The following ARHGAP22 variants were observed in gnomAD, a reference collection of about 807,000 sequenced individuals.
The protein encoded by ARHGAP22 is rho GTPase-activating protein 22.
A neutral mutation model predicts 59.1 loss-of-function variants in ARHGAP22; 48 were observed. The observed-to-expected ratio is 0.81, with a 90% CI of 0.64 to 1.03. The LOEUF (loss-of-function observed/expected upper bound fraction) is 1.03. ARHGAP22 is among the 50% of genes least tolerant of loss of function. The probability of loss-of-function intolerance (pLI) is 0.00; values close to 1 mark genes in which losing one functional copy is unlikely to be tolerated. For missense variants in ARHGAP22, 1,015 were observed against 958.7 expected (o/e 1.06, Z -0.78); for synonymous variants, 445 against 416.4 (o/e 1.07, Z -0.84).
intron 3 of ARHGAP22, among the ~76,000 whole-genome samples, chr10:48,522,298 G>C (rs976028483): frequency 2.0e-5 from 3 of 152,200 alleles, no homozygotes; most frequent in Non-Finnish European, 4.4e-5. Flanking sequence ...GGCTGCTGTG[G>C]CCAGCCATCT....
At chr10:48,617,541 A>G (rs917695064) in intron 1 of ARHGAP22, among the ~76,000 whole-genome samples, 12 of 152,054 alleles carry the variant, frequency 7.9e-5, no homozygotes, top group African/African-American at 2.4e-4. Context: ...GAAATCAATT[A>G]TAAGAGGAGC....
chr10:48,472,613 A>G (rs776879072), intron 4 of ARHGAP22, among the ~76,000 whole-genome samples: 33 of 152,086 alleles, frequency 2.2e-4, no homozygotes, highest in Non-Finnish European at 4.4e-4. Context: ...CCTTCTGGCC[A>G]CTCCCATGTG....
intron 2 of ARHGAP22, among the ~76,000 whole-genome samples, chr10:48,576,797 G>T (rs1445710676): frequency 6.6e-6 from 1 of 152,030 alleles, no homozygotes; most frequent in Non-Finnish European, 1.5e-5. Flanking sequence ...TTTCTAATTA[G>T]TATGCTTATG....
chr10:48,636,630 C>T (rs1001109961), intron 1 of ARHGAP22, among the ~76,000 whole-genome samples: 6 of 152,188 alleles, frequency 3.9e-5, no homozygotes, highest in South Asian at 4.1e-4. Context: ...TATCTTTACA[C>T]GTGTTATGTG....
At chr10:48,497,732 A>G (rs1328520809) in intron 3 of ARHGAP22, among the ~76,000 whole-genome samples, 1 of 152,160 alleles carries the variant, frequency 6.6e-6, no homozygotes. Context: ...CCTTGGCCAC[A>G]ATACCTCAGT....
chr10:48,607,970 A>G (rs773344948), upstream of ARHGAP22, among the ~76,000 whole-genome samples: 2 of 152,224 alleles, frequency 1.3e-5, no homozygotes, highest in Non-Finnish European at 2.9e-5. Context: ...GATACCTTCA[A>G]AACAGTAGTT....
chr10:48,475,682 C>G lies in ARHGAP22; in HGVS notation c.451+3954G>C, dbSNP rs533645320. Among the ~76,000 whole-genome samples the G allele has an allele frequency of 2.0e-5, 3 of 152,310 alleles. No homozygotes were observed. In the South Asian group the frequency reaches 6.2e-4, roughly 32 times the overall value. On this transcript the variant is annotated intron_variant, in intron 4 of 9. Coordinates refer to ENST00000249601, the MANE Select transcript of ARHGAP22 (RefSeq NM_021226.4). ...AATCAAGAATTCAATGACTTCTTAT[C>G]GCCACCACCACTGGGCCAGGCCACC...
chr10:48,497,682 C>T (rs1014557615), intron 3 of ARHGAP22, among the ~76,000 whole-genome samples: 5 of 152,160 alleles, frequency 3.3e-5, no homozygotes, highest in African/African-American at 1.2e-4. Context: ...CCAAGGAAAC[C>T]TGTGGTCTCA....
At chr10:48,602,621 C>A (rs902170868) in intron 1 of ARHGAP22, among the ~76,000 whole-genome samples, 1 of 152,118 alleles carries the variant, frequency 6.6e-6, no homozygotes, top group African/African-American at 2.4e-5. Flanking sequence ...CTCCTCTATC[C>A]AGCTATTCAT....
At chr10:48,551,664 G>A (rs2056903258) in intron 3 of ARHGAP22, among the ~76,000 whole-genome samples, 3 of 152,180 alleles carry the variant, frequency 2.0e-5, no homozygotes, top group Admixed American at 2.0e-4. Context: ...TGACCATGTC[G>A]GGAAAGCAGT....
At chr10:48,578,468 G>A (rs1257782846) in intron 2 of ARHGAP22, among the ~76,000 whole-genome samples, 1 of 151,922 alleles carries the variant, frequency 6.6e-6, no homozygotes. Flanking sequence ...CCCTTAACTG[G>A]AAGTTTGAAT....
At position 48,501,939 on chromosome 10, in the gene ARHGAP22, C is replaced by T. The variant is rs74130294; in HGVS notation, c.323-22175G>A. Among the ~76,000 whole-genome samples, 1,170 of 152,318 alleles carry T rather than the reference C, an allele frequency of 7.7e-3. 15 individuals carry two copies. The highest frequency in any genetic ancestry group is 0.027 in the African/African-American group (1,107 of 41,558). ...GGTCTCAGGAGCAGGGGAGGAGCAG[C>T]TTCCTCTCAGGAGAGGCTCTGAAGT... On this transcript the variant is annotated intron_variant, in intron 3 of 9. Transcript: ENST00000249601.
chr10:48,441,118 T>C (rs1482429576), downstream of ARHGAP22, among the ~76,000 whole-genome samples: 9 of 152,182 alleles, frequency 5.9e-5, no homozygotes, highest in South Asian at 2.1e-4. Flanking sequence ...AAGGGAACAA[T>C]TGGTTTGCTC....
At chr10:48,497,159 C>T (rs761435850) in intron 3 of ARHGAP22, among the ~76,000 whole-genome samples, 4 of 152,188 alleles carry the variant, frequency 2.6e-5, no homozygotes, top group Non-Finnish European at 4.4e-5. Context: ...CCACTGCCTG[C>T]ACATACAGGG....
intron 3 of ARHGAP22, among the ~76,000 whole-genome samples, chr10:48,514,992 A>G (rs759478421): frequency 6.6e-6 from 1 of 152,204 alleles, no homozygotes; most frequent in Non-Finnish European, 1.5e-5. Context: ...GAAAATTTCT[A>G]TCTAATACAA....
At chr10:48,463,531 G>T (rs2047358445) in intron 4 of ARHGAP22, among the ~76,000 whole-genome samples, 1 of 152,136 alleles carries the variant, frequency 6.6e-6, no homozygotes, top group Admixed American at 6.5e-5. Context: ...CTTTCCTCCA[G>T]CTCTGCCCAC....
At chr10:48,465,969 C>T (rs1206560609) in intron 4 of ARHGAP22, among the ~76,000 whole-genome samples, 2 of 152,156 alleles carry the variant, frequency 1.3e-5, no homozygotes, top group East Asian at 1.9e-4. Flanking sequence ...TATTAGGGAG[C>T]TTCAGAATTG....
At chr10:48,555,599 G>T (rs776391079) in intron 2 of ARHGAP22, 49 bp from the exon 3 acceptor site, 34 of 1,577,830 alleles carry the variant, frequency 2.2e-5, no homozygotes, top group Middle Eastern at 1.7e-4. Flanking sequence ...TGATGGGGAG[G>T]GGACTGCTGT....
At position 48,588,681 on chromosome 10, in the gene ARHGAP22, C is replaced by T. The variant is rs563862086; in HGVS notation, c.35-5529G>A. Among the ~76,000 whole-genome samples, 257 of 152,298 alleles carry T rather than the reference C, an allele frequency of 1.7e-3. 1 individual carries two copies. Among genetic ancestry groups the T allele is most frequent in the African/African-American group, 6.0e-3 (249 of 41,570 alleles). On this transcript the variant is annotated intron_variant, in intron 1 of 9. Transcript: ENST00000249601. ...GCACACGCAGGACCATCCATTCACTCATCCATTTATTCCAAATCTATGGAG... is the reference window on the plus strand; with the variant it reads ...GCACACGCAGGACCATCCATTCACTTATCCATTTATTCCAAATCTATGGAG...
Sources: gnomAD v4.1 joint callset for allele counts (sites outside exome capture counted in the v4.1 genomes callset) on GRCh38, gnomAD v4.1.1 for gene constraint, MANE v1.5 for transcripts, NCBI Gene and HGNC (gene_info 2026-07-23, HGNC 2026-07-21) for gene names.